ZNF69: variants seen among roughly 807,000 people sequenced by gnomAD.
The protein encoded by ZNF69 is ZNF3.
In ZNF69, 47 loss-of-function variants were observed where a neutral mutation model predicts 50.9. The observed-to-expected ratio is 0.92, with a 90% CI of 0.73 to 1.18. ZNF69 has a LOEUF of 1.18. Ranked by LOEUF, ZNF69 falls within the 50% of genes most tolerant of loss-of-function variation. The probability of loss-of-function intolerance (pLI) is 0.00; values close to 1 mark genes in which losing one functional copy is unlikely to be tolerated. For missense variants in ZNF69, 717 were observed against 675.1 expected (o/e 1.06, Z -0.69); for synonymous variants, 216 against 223.1 (o/e 0.97, Z 0.29).
At chr19:11,908,273 A>G (rs1055747883), downstream of ZNF69, among the ~76,000 whole-genome samples, 1 of 152,188 alleles carries the variant, frequency 6.6e-6, no homozygotes, top group African/African-American at 2.4e-5. Flanking sequence ...TGAGACAGAA[A>G]GTTAACAAGG....
chr19:11,903,947 A>G lies in ZNF69; in HGVS notation c.233A>G (p.Asn78Ser), dbSNP rs975359706. Residue 78 changes from asparagine to serine, a missense_variant, in exon 3 of 4, where the codon AAC becomes AGC. Physicochemically the swap from Asn to Ser is conservative, Grantham distance 46. Transcript: ENST00000429654. Reference sequence around the variant, plus strand: ...CAGAACATTGAATATGAGTACCAAAACCCCAGGAGAAACTTCAGGTAATTT... The same window carrying G: ...CAGAACATTGAATATGAGTACCAAAGCCCCAGGAGAAACTTCAGGTAATTT... ...KDQNIEYEYQNPRRNFRSLIE... is the reference protein window; with the variant it reads ...KDQNIEYEYQSPRRNFRSLIE... 1 of 1,613,844 alleles carries G rather than the reference A, an allele frequency of 6.2e-7. No homozygotes were observed. The highest frequency in any genetic ancestry group is 1.3e-5 in the African/African-American group (1 of 75,030).
chr19:11,902,994 A>G (rs1342693501), intron 1 of ZNF69, among the ~76,000 whole-genome samples: 1 of 152,188 alleles, frequency 6.6e-6, no homozygotes, highest in East Asian at 1.9e-4. Flanking sequence ...TGAACTAGCC[A>G]GGTGTGGTGG....
rs759324158 is a variant in ZNF69, at chr19:11,903,658, A to G, written c.149A>G (p.Lys50Arg). Residue 50 changes from lysine (K) to arginine (R), a missense_variant, in exon 2 of 4, where the codon AAG becomes AGG. By Grantham distance (26) the Lys-to-Arg change is conservative. Coordinates refer to ENST00000429654, the MANE Select transcript of ZNF69 (RefSeq NM_001364730.1). ...GATATTTCCCAGAGGAAACTCTACA[A>G]GGAAGTGATGCTGGAAACTTTCAGG... is the stretch of plus-strand genomic sequence containing the variant. ...LLDISQRKLY[K>R]EVMLETFRNL... The G allele has an allele frequency of 6.8e-6, 11 of 1,614,186 alleles. No homozygotes were observed. The highest frequency in any genetic ancestry group is 6.7e-5 in the Admixed American group (4 of 60,018).
the ZNF69 span, chr19:11,940,115 G>C: frequency 6.6e-6 from 1 of 152,126 alleles, no homozygotes; most frequent in South Asian, 2.1e-4. Context: ...ATTTTTAGTA[G>C]AGACAAGGTT....
At chr19:11,976,096 A>T in the ZNF69 span, among the ~76,000 whole-genome samples, 1 of 146,026 alleles carries the variant, frequency 6.8e-6, no homozygotes, top group Non-Finnish European at 1.5e-5. Context: ...GGGGTGTGGG[A>T]TGTCCCAGGG....
downstream of ZNF69, among the ~76,000 whole-genome samples, chr19:11,906,705 AAC>A (rs1192252760): frequency 6.6e-6 from 1 of 152,200 alleles, no homozygotes; most frequent in Admixed American, 6.5e-5. Flanking sequence ...AAGTAGATAA[AAC>A]CACAAAGATG....
the ZNF69 span, among the ~76,000 whole-genome samples, chr19:11,962,026 G>T: frequency 1.3e-5 from 2 of 152,052 alleles, no homozygotes; most frequent in East Asian, 3.9e-4. Flanking sequence ...GCCCAGGGTG[G>T]TCATAGCCCA....
the ZNF69 span, among the ~76,000 whole-genome samples, chr19:11,951,162 A>G: frequency 6.7e-6 from 1 of 150,306 alleles, no homozygotes; most frequent in Non-Finnish European, 1.5e-5. Context: ...AAAAAAAAAA[A>G]AAAAAAGAAA....
chr19:11,905,397 T>A lies in ZNF69; in HGVS notation c.1000T>A (p.Cys334Ser). Residue 334 changes from cysteine (C) to serine (S), a missense_variant, in exon 4 of 4, where the codon TGT becomes AGT. Physicochemically the swap from Cys to Ser is moderately radical, Grantham distance 112. Coordinates refer to ENST00000429654, the MANE Select transcript of ZNF69 (RefSeq NM_001364730.1). Reference sequence around the variant, plus strand: ...CCACTCTAGGAAAAAACCCTATGAATGTACGCAGTGTGGGAAAGCATTATC... The same window carrying A: ...CCACTCTAGGAAAAAACCCTATGAAAGTACGCAGTGTGGGAAAGCATTATC... ...RTHSRKKPYE[C>S]TQCGKALSSL... 1 of 1,614,166 alleles carries A rather than the reference T, an allele frequency of 6.2e-7. No individual in the cohort carries two copies. The highest frequency in any genetic ancestry group is 8.5e-7 in the Non-Finnish European group (1 of 1,180,020).
chr19:11,940,905 A>C, the ZNF69 span, among the ~76,000 whole-genome samples: 5 of 151,634 alleles, frequency 3.3e-5, no homozygotes, highest in South Asian at 2.1e-4. Flanking sequence ...CTAGGTACAG[A>C]GTGTCGATTG....
the ZNF69 span, among the ~76,000 whole-genome samples, chr19:11,971,684 T>G: frequency 6.6e-6 from 1 of 152,370 alleles, no homozygotes; most frequent in East Asian, 1.9e-4. Flanking sequence ...CATTTTATAT[T>G]GATGTTTTTC....
chr19:11,910,621 T>C (rs1269214062), downstream of ZNF69, among the ~76,000 whole-genome samples: 3 of 152,186 alleles, frequency 2.0e-5, 1 homozygote, highest in Non-Finnish European at 4.4e-5. Flanking sequence ...TAGCCGTATG[T>C]AGAAAGCTGA....
chr19:11,946,315 C>T, the ZNF69 span, among the ~76,000 whole-genome samples: 1 of 152,138 alleles, frequency 6.6e-6, no homozygotes, highest in African/African-American at 2.4e-5. Flanking sequence ...AGAGGAGGCA[C>T]AGGTGCTGTG....
At chr19:11,918,245 T>G (rs144303129), downstream of ZNF69, among the ~76,000 whole-genome samples, 28 of 152,338 alleles carry the variant, frequency 1.8e-4, no homozygotes, top group East Asian at 5.0e-3. Flanking sequence ...AACTTATGAA[T>G]TAACCATCTC....
At chr19:11,911,421 A>C (rs547586437), downstream of ZNF69, among the ~76,000 whole-genome samples, 2,141 of 152,242 alleles carry the variant, frequency 0.014, 43 homozygotes, top group African/African-American at 0.049. Context: ...TTGGAACCAA[A>C]CCAAATGTCC....
At chr19:11,974,859 T>C in the ZNF69 span, among the ~76,000 whole-genome samples, 3 of 152,224 alleles carry the variant, frequency 2.0e-5, no homozygotes, top group African/African-American at 7.2e-5. Context: ...TGCCTTGGCC[T>C]TGCAAGGTGC....
the ZNF69 span, chr19:11,947,082 T>A: frequency 2.6e-6 from 4 of 1,509,834 alleles, no homozygotes; most frequent in South Asian, 5.5e-5. Context: ...AATAAATGTT[T>A]GGAGTCCACA....
At chr19:11,951,165 A>AAAG in the ZNF69 span, among the ~76,000 whole-genome samples, 17 of 150,408 alleles carry the variant, frequency 1.1e-4, no homozygotes, top group African/African-American at 4.1e-4. Flanking sequence ...AAAAAAAAAA[A>AAAG]AAAGAAAGAA....
At chr19:11,915,676 G>A (rs1972515889), downstream of ZNF69, among the ~76,000 whole-genome samples, 1 of 152,024 alleles carries the variant, frequency 6.6e-6, no homozygotes, top group African/African-American at 2.4e-5. Flanking sequence ...GGCCGAGGTG[G>A]GTGGATCATC....
Sources: gnomAD v4.1 joint callset for allele counts (sites outside exome capture counted in the v4.1 genomes callset) on GRCh38, gnomAD v4.1.1 for gene constraint, MANE v1.5 for transcripts, NCBI Gene and HGNC (gene_info 2026-07-23, HGNC 2026-07-21) for gene names.